The following JMJD1C variants were observed in gnomAD, a reference collection of about 807,000 sequenced individuals.
JMJD1C encodes jumonji domain containing 1C.
Under a neutral mutation model 245.3 loss-of-function variants are expected in JMJD1C, and 31 were observed. The observed-to-expected ratio is 0.13, with a 90% CI of 0.09 to 0.17. JMJD1C has a LOEUF of 0.17. Among genes scored for constraint, JMJD1C ranks in the 10% least tolerant of loss-of-function variants. The pLI is 1.00. For missense variants in JMJD1C, 2,691 were observed against 3,000.2 expected (o/e 0.90, Z 2.41); for synonymous variants, 1,057 against 1,017.4 (o/e 1.04, Z -0.74).
intron 2 of JMJD1C, among the ~76,000 whole-genome samples, chr10:63,276,642 T>C (rs985809702): frequency 4.6e-5 from 7 of 152,104 alleles, no homozygotes; most frequent in Non-Finnish European, 1.5e-5. Flanking sequence ...CTAATCTTTG[T>C]ATTTTTAGTA....
At chr10:63,371,145 ATT>A (rs71025167) in intron 2 of JMJD1C, among the ~76,000 whole-genome samples, 4 of 142,770 alleles carry the variant, frequency 2.8e-5, no homozygotes, top group Admixed American at 7.0e-5. Flanking sequence ...CAATAGGCTA[ATT>A]TTTTTTTTTT....
intron 2 of JMJD1C, among the ~76,000 whole-genome samples, chr10:63,359,561 C>T (rs1241386459): frequency 1.3e-5 from 2 of 152,156 alleles, no homozygotes; most frequent in African/African-American, 4.8e-5. Flanking sequence ...CTTCTTATTA[C>T]ATAAAAAATT....
At chr10:63,489,878 T>C (rs1954113168) in intron 1 of JMJD1C, among the ~76,000 whole-genome samples, 1 of 152,168 alleles carries the variant, frequency 6.6e-6, no homozygotes, top group South Asian at 2.1e-4. Flanking sequence ...AGTCCATGGC[T>C]TGTTAGGAAC....
At chr10:63,269,097 A>T in intron 2 of JMJD1C, 1 of 985,446 alleles carries the variant, frequency 1.0e-6, no homozygotes. Context: ...TTACATAACC[A>T]GTAAGATACT....
chr10:63,394,168 C>T (rs1249104131), intron 1 of JMJD1C, among the ~76,000 whole-genome samples: 6 of 137,046 alleles, frequency 4.4e-5, no homozygotes, highest in African/African-American at 1.7e-4. Flanking sequence ...GCCAGGGAGA[C>T]TGAGTGAGAC....
chr10:63,363,298 G>A (rs763834935), intron 2 of JMJD1C, among the ~76,000 whole-genome samples: 13 of 130,192 alleles, frequency 1.0e-4, no homozygotes, highest in Non-Finnish European at 2.0e-4. Context: ...TCGCTCTGTC[G>A]TCCAGGCTGG....
chr10:63,463,993 CCTT>C (rs1274360806), intron 1 of JMJD1C, among the ~76,000 whole-genome samples: 1 of 150,872 alleles, frequency 6.6e-6, no homozygotes, highest in East Asian at 1.9e-4. Flanking sequence ...TTTTTTTTTT[CCTT>C]TTTTACAGAT....
intron 24 of JMJD1C, among the ~76,000 whole-genome samples, chr10:63,174,969 A>G (rs1243635315): frequency 6.6e-6 from 1 of 152,256 alleles, no homozygotes; most frequent in African/African-American, 2.4e-5. Context: ...TATACATTAA[A>G]TAAGGTAAAT....
At chr10:63,355,340 T>C (rs58007125) in intron 2 of JMJD1C, among the ~76,000 whole-genome samples, 3,680 of 152,296 alleles carry the variant, frequency 0.024, 105 homozygotes, top group Middle Eastern at 0.071. Flanking sequence ...ACCACAAAGC[T>C]TATTTCCATT....
At chr10:63,403,601 C>T (rs1948992276) in intron 1 of JMJD1C, among the ~76,000 whole-genome samples, 1 of 152,200 alleles carries the variant, frequency 6.6e-6, no homozygotes, top group Non-Finnish European at 1.5e-5. Context: ...TAAGTGCGAA[C>T]GCTGTTTAAG....
intron 2 of JMJD1C, among the ~76,000 whole-genome samples, chr10:63,277,090 C>G (rs1326365718): frequency 6.6e-6 from 1 of 151,634 alleles, no homozygotes; most frequent in Non-Finnish European, 1.5e-5. Context: ...ACCGTGTTAG[C>G]CAGGATGGTC....
chr10:63,442,779 T>C (rs1951465463), intron 1 of JMJD1C, among the ~76,000 whole-genome samples: 1 of 152,206 alleles, frequency 6.6e-6, no homozygotes, highest in African/African-American at 2.4e-5. Flanking sequence ...AATGCCACAT[T>C]TTCATATTGT....
chr10:63,320,541 C>T (rs150660424), intron 2 of JMJD1C, among the ~76,000 whole-genome samples: 2 of 152,294 alleles, frequency 1.3e-5, no homozygotes, highest in East Asian at 3.9e-4. Flanking sequence ...TTCCAGGCAG[C>T]AGAAAACTAC....
chr10:63,209,055 G>A lies in JMJD1C; in HGVS notation c.2867+8C>T. 1 of 1,599,098 alleles carries A rather than the reference G, an allele frequency of 6.3e-7. No homozygotes were observed. The highest frequency in any genetic ancestry group is 1.1e-5 in the South Asian group (1 of 88,258). On this transcript the variant is annotated splice_region_variant and intron_variant, in intron 9 of 25. Coordinates refer to ENST00000399262, the MANE Select transcript of JMJD1C (RefSeq NM_032776.3). The stretch of plus-strand genomic sequence containing the variant: ...GTATTTATAATTTTTAAGCACTGGT[G>A]AACTTACTCCTTATGATGATCTACT...
chr10:63,267,746 GT>G (rs990682863), intron 2 of JMJD1C, among the ~76,000 whole-genome samples: 2 of 151,966 alleles, frequency 1.3e-5, no homozygotes, highest in African/African-American at 4.8e-5. Flanking sequence ...TAGAGTGAGA[GT>G]TTTTTTTAAG....
intron 2 of JMJD1C, among the ~76,000 whole-genome samples, chr10:63,379,269 T>A (rs1431463246): frequency 6.6e-6 from 1 of 152,158 alleles, no homozygotes; most frequent in Non-Finnish European, 1.5e-5. Flanking sequence ...CCTGCAATAA[T>A]GTTTCAGCAG....
chr10:63,312,806 ATATAAT>A (rs1939406804), intron 2 of JMJD1C, among the ~76,000 whole-genome samples: 1 of 152,196 alleles, frequency 6.6e-6, no homozygotes, highest in Non-Finnish European at 1.5e-5. Context: ...TGATTACCTA[ATATAAT>A]TATAAATGGT....
chr10:63,243,870 TGA>T (rs1355617591), intron 3 of JMJD1C, among the ~76,000 whole-genome samples: 1 of 152,220 alleles, frequency 6.6e-6, no homozygotes, highest in Non-Finnish European at 1.5e-5. Context: ...TTATTTATTT[TGA>T]GAGAGAATCT....
At chr10:63,469,170 TTA>T (rs1382228324), upstream of JMJD1C, among the ~76,000 whole-genome samples, 1 of 152,190 alleles carries the variant, frequency 6.6e-6, no homozygotes, top group East Asian at 1.9e-4. Flanking sequence ...TACTAATATT[TTA>T]TGTCACTATA....
Sources: gnomAD v4.1 joint callset for allele counts (sites outside exome capture counted in the v4.1 genomes callset) on GRCh38, gnomAD v4.1.1 for gene constraint, MANE v1.5 for transcripts, NCBI Gene and HGNC (gene_info 2026-07-23, HGNC 2026-07-21) for gene names.